XYLT2: variants seen among roughly 807,000 people sequenced by gnomAD.
XYLT2 encodes UDP-D-xylose:proteoglycan core protein beta-D-xylosyltransferase.
XYLT2 carries 37 observed loss-of-function variants against 82.6 expected under a neutral mutation model. The ratio of observed to expected loss-of-function variants is 0.45; its 90% CI spans 0.34 to 0.59. The LOEUF is 0.59. XYLT2 is among the 20% of genes least tolerant of loss of function. The pLI, the probability that XYLT2 is intolerant of heterozygous loss-of-function variation, is 0.01. For synonymous variants in XYLT2, 474 were observed against 499.0 expected (o/e 0.95, Z 0.67); for missense variants, 934 against 1,181.3 (o/e 0.79, Z 3.07).
intron 1 of XYLT2, among the ~76,000 whole-genome samples, chr17:50,347,415 G>T (rs1912087982): frequency 6.6e-6 from 1 of 152,234 alleles, no homozygotes; most frequent in African/African-American, 2.4e-5. Context: ...GGATGGTGAT[G>T]GGGGCTGGAA....
In XYLT2 at chr17:50,355,994, C is replaced by T. The variant is rs1234412932; in HGVS notation, c.1302C>T (p.Ala434=). ...TCTACACATACACACTGCTCCCAGC[C>T]GAGGTGGGTAGCCCAGCAGGCATGA... The part of the protein sequence containing the change: ...RQFYTYTLLP[A]ESFFHTVLEN... The change falls in exon 6 of 11, where the codon GCC becomes GCT. Residue 434 remains alanine, a synonymous_variant. Coordinates refer to ENST00000017003, the MANE Select transcript of XYLT2 (RefSeq NM_022167.4). 36 of 1,614,096 alleles carry T rather than the reference C, an allele frequency of 2.2e-5. No homozygotes were observed. Among genetic ancestry groups the T allele is most frequent in the Non-Finnish European group, 2.5e-5 (30 of 1,180,046 alleles).
In XYLT2 at chr17:50,353,879, G is replaced by C; in HGVS notation, c.385G>C (p.Gly129Arg). Residue 129 changes from glycine to arginine, a missense_variant, in exon 2 of 11, where the codon GGG becomes CGG. Physicochemically the swap from Gly to Arg is moderately radical, Grantham distance 125. Around this residue, in one of 3 missense-constraint regions of XYLT2, gnomAD observed 371 missense variants for 394.9 expected, o/e 0.94. Coordinates refer to ENST00000017003, the MANE Select transcript of XYLT2 (RefSeq NM_022167.4). ...CCAGAACCTGAGTGGGGCAGCAGCT[G>C]GGGAGGCGCTGGTAGGGGCAGCTGG... ...GRQNLSGAAA[G>R]EALVGAAGFP... 6.2e-7 allele frequency: 1 copy of C among 1,608,966 alleles called. No homozygotes were observed. Among genetic ancestry groups the C allele is most frequent in the Non-Finnish European group, 8.5e-7 (1 of 1,179,442 alleles).
At chr17:50,349,400 G>C (rs115425970) in intron 1 of XYLT2, among the ~76,000 whole-genome samples, 1 of 152,206 alleles carries the variant, frequency 6.6e-6, no homozygotes, top group Admixed American at 6.5e-5. Flanking sequence ...CCTCTTGCAG[G>C]TATCTCTTCT....
In XYLT2 at chr17:50,354,540, C is replaced by A; in HGVS notation, c.761C>A (p.Ala254Asp). ...CGCCAGCTGAAGCGTCTCCTCAAGG[C>A]CGTTTATCACGAGCAGCACTTCTTT... ...AIRQLKRLLKAVYHEQHFFYI... is the reference protein window; with the variant it reads ...AIRQLKRLLKDVYHEQHFFYI... The change falls in exon 3 of 11, where the codon GCC becomes GAC. Residue 254 changes from alanine (A) to aspartate (D), a missense_variant. Ala to Asp is a moderately radical substitution (Grantham distance 126). Transcript: ENST00000017003. The A allele has an allele frequency of 6.2e-7, 1 of 1,612,848 alleles. No individual in the cohort carries two copies.
chr17:50,359,665 G>C (rs1912716060), intron 10 of XYLT2: 2 of 371,252 alleles, frequency 5.4e-6, no homozygotes, highest in Non-Finnish European at 9.8e-6. Context: ...GGCTCTAGGA[G>C]CCACCAATGA....
At position 50,346,202 on chromosome 17, in the gene XYLT2, C is replaced by A; in HGVS notation, c.62C>A (p.Ala21Glu). ...CGCTACAAGCTGGCGATTGCCACGG[C>A]GCTGGCCATCCTGCTGCTGCAGGGC... is the stretch of plus-strand genomic sequence containing the variant. ...VRRYKLAIAT[A>E]LAILLLQGLV... The change falls in exon 1 of 11, where the codon GCG becomes GAG. Residue 21 changes from alanine to glutamate, a missense_variant. Physicochemically the swap from Ala to Glu is moderately radical, Grantham distance 107. Transcript: ENST00000017003. The surrounding 1 kb of genome is among the most constrained non-coding windows in gnomAD (Gnocchi z 5.1). 7.7e-7 allele frequency: 1 copy of A among 1,293,206 alleles called. No individual in the cohort carries two copies. Among genetic ancestry groups the A allele is most frequent in the Middle Eastern group, 2.9e-4 (1 of 3,496 alleles). 80.1% of individuals were successfully genotyped at this position (1,293,206 alleles called of 1,614,324 possible). A position where few individuals can be genotyped will look rare whatever the true frequency, so the allele number is the denominator to read the frequency against.
chr17:50,355,398 C>T, intron 4 of XYLT2, 103 bp from the exon 5 acceptor site: 1 of 1,299,612 alleles, frequency 7.7e-7, no homozygotes, highest in Non-Finnish European at 1.1e-6. Context: ...GGGCACATGG[C>T]CAGCCAGCAA....
intron 1 of XYLT2, among the ~76,000 whole-genome samples, chr17:50,349,768 G>A (rs892612081): frequency 6.6e-6 from 1 of 152,092 alleles, no homozygotes; most frequent in African/African-American, 2.4e-5. Flanking sequence ...GAAGTCCTGG[G>A]GAGGTGAGGA....
intron 9 of XYLT2, 98 bp downstream of exon 9, chr17:50,357,350 T>C: frequency 7.8e-7 from 1 of 1,279,852 alleles, no homozygotes; most frequent in South Asian, 1.6e-5. Context: ...AAGGTTATTT[T>C]TCCCAGTCAT....
At position 50,356,271 on chromosome 17, in the gene XYLT2, C is replaced by G; in HGVS notation, c.1482+10C>G. 1.2e-6 allele frequency: 2 copies of G among 1,611,636 alleles called. No individual in the cohort carries two copies. The highest frequency in any genetic ancestry group is 1.7e-6 in the Non-Finnish European group (2 of 1,177,956). On this transcript the variant is annotated intron_variant, in intron 7 of 10. Transcript: ENST00000017003. ...CTTCCTCCGGCTGCAGGTGCTTGCC[C>G]GAGGCCCCAAGGCCCCTGGCTAGGT... is the stretch of plus-strand genomic sequence containing the variant.
rs766795793 is a variant in XYLT2 at position 50,354,131 on chromosome 17, CAG to C, written c.628+10_628+11del. 3.7e-6 allele frequency: 6 copies of C among 1,601,522 alleles called. No individual in the cohort carries two copies. Among genetic ancestry groups the C allele is most frequent in the South Asian group, 2.2e-5 (2 of 91,062 alleles). Reference sequence around the variant, plus strand: ...GCACTGTCAGCTGACTGGTGAGGGACAGGGGTGCTCCAGCCCTTCCCAGGCGG... The same window carrying C: ...GCACTGTCAGCTGACTGGTGAGGGACGGGTGCTCCAGCCCTTCCCAGGCGG... On this transcript the variant is annotated intron_variant, in intron 2 of 10. Coordinates refer to ENST00000017003, the MANE Select transcript of XYLT2 (RefSeq NM_022167.4).
In XYLT2 at chr17:50,356,751, C is replaced by A; in HGVS notation, c.1723C>A (p.Pro575Thr). 6.2e-7 allele frequency: 1 copy of A among 1,604,634 alleles called. No individual in the cohort carries two copies. The highest frequency in any genetic ancestry group is 8.5e-7 in the Non-Finnish European group (1 of 1,179,768). ...SLHHAATAAP[P>T]MGTPLCRFEP... The stretch of plus-strand genomic sequence containing the variant: ...GCACCATGCCGCCACTGCTGCACCC[C>A]CAATGGGCACCCCACTCTGCAGGTG... Residue 575 changes from proline (P) to threonine (T), a missense_variant, in exon 8 of 11, where the codon CCA (proline) becomes ACA (threonine). Transcript: ENST00000017003.
Position 50,354,918 on chromosome 17 carries a change from C to T in XYLT2, c.869C>T (p.Thr290Met), listed in dbSNP as rs745745346. Residue 290 changes from threonine to methionine, a missense_variant, in exon 4 of 11, where the codon ACG becomes ATG. Thr to Met is a moderately conservative substitution (Grantham distance 81, BLOSUM62 -1). Around this residue, in one of 3 missense-constraint regions of XYLT2, gnomAD observed 189 missense variants for 320.8 expected, o/e 0.59. Coordinates refer to ENST00000017003, the MANE Select transcript of XYLT2 (RefSeq NM_022167.4). Reference sequence around the variant, plus strand: ...CAGGGCTATGATAACGTGCGGGTGACGCCCTGGCGCATGGTTACCATCTGG... The same window carrying T: ...CAGGGCTATGATAACGTGCGGGTGATGCCCTGGCGCATGGTTACCATCTGG... ...LAQGYDNVRV[T>M]PWRMVTIWGG... 2.4e-5 allele frequency: 38 copies of T among 1,605,934 alleles called. No homozygotes were observed. The highest frequency in any genetic ancestry group is 8.0e-5 in the African/African-American group (6 of 74,824).
rs375959322 is a variant in XYLT2, at chr17:50,356,731, A to G, written c.1703A>G (p.His568Arg). The G allele has an allele frequency of 3.1e-6, 5 of 1,608,002 alleles. No individual in the cohort carries two copies. Among genetic ancestry groups the G allele is most frequent in the Admixed American group, 1.7e-5 (1 of 59,988 alleles). Residue 568 changes from histidine to arginine, a missense_variant, in exon 8 of 11, where the codon CAT becomes CGT. Transcript: ENST00000017003. ...GCCTTCGCCCGCCTCAGCCTGCACC[A>G]TGCCGCCACTGCTGCACCCCCAATG... is the stretch of plus-strand genomic sequence containing the variant. ...YTAFARLSLHHAATAAPPMGT... is the reference protein window; with the variant it reads ...YTAFARLSLHRAATAAPPMGT...
At chr17:50,355,162 TG>T in intron 4 of XYLT2, 106 bp downstream of exon 4, 1 of 1,269,676 alleles carries the variant, frequency 7.9e-7, no homozygotes, top group Non-Finnish European at 1.1e-6. Flanking sequence ...AGCGTAACTC[TG>T]GGATCCGCCC....
intron 8 of XYLT2, 134 bp from the exon 9 acceptor site, chr17:50,356,923 T>C (rs1567807791): frequency 1.4e-5 from 20 of 1,461,682 alleles, no homozygotes; most frequent in Non-Finnish European, 1.7e-5. Flanking sequence ...GAGCCAGGCA[T>C]GCAGGTGCTG....
chr17:50,350,718 ATAG>A (rs1598348202), intron 1 of XYLT2, among the ~76,000 whole-genome samples: 1 of 152,162 alleles, frequency 6.6e-6, no homozygotes, highest in African/African-American at 2.4e-5. Context: ...GTATAAATAA[ATAG>A]TAGGATGAGA....
In XYLT2 at chr17:50,353,955, C is replaced by T. The variant is rs139789956; in HGVS notation, c.461C>T (p.Thr154Met). ...AGCGTGGAGGGCGCCCCCCAGCCCACGGACAATGGCTTCACCCCCAAGTGC... is the reference window on the plus strand; with the variant it reads ...AGCGTGGAGGGCGCCCCCCAGCCCATGGACAATGGCTTCACCCCCAAGTGC... Reference protein sequence around the residue: ...TGSVEGAPQPTDNGFTPKCEI... With the variant: ...TGSVEGAPQPMDNGFTPKCEI... Residue 154 changes from threonine to methionine, a missense_variant, in exon 2 of 11, where the codon ACG (threonine) becomes ATG (methionine). Physicochemically the swap from Thr to Met is moderately conservative, Grantham distance 81. Transcript: ENST00000017003. 2.7e-5 allele frequency: 44 copies of T among 1,606,500 alleles called. No individual in the cohort carries two copies. The highest frequency in any genetic ancestry group is 1.2e-4 in the Admixed American group (7 of 59,996).
Position 50,346,472 on chromosome 17 carries a change from G to C in XYLT2, c.135+197G>C. The C allele has an allele frequency of 8.4e-6, 7 of 835,856 alleles. No homozygotes were observed. Among genetic ancestry groups the C allele is most frequent in the Non-Finnish European group, 1.0e-5 (7 of 693,216 alleles). The allele number at this position is 835,856 out of a possible 1,614,324, so 51.8% of individuals were successfully genotyped here. On this transcript the variant is annotated intron_variant, in intron 1 of 10. Coordinates refer to ENST00000017003, the MANE Select transcript of XYLT2 (RefSeq NM_022167.4). The surrounding 1 kb of genome is among the most constrained non-coding windows in gnomAD (Gnocchi z 5.1). ...CAGGCCTAGGGAGCTGCGCGCGGGG[G>C]CAGTGCGTGACCTGGAGACCCGGGC...
Sources: allele counts gnomAD v4.1 joint callset (sites outside exome capture counted in the v4.1 genomes callset), GRCh38; gene constraint gnomAD v4.1.1; regional missense constraint gnomAD v4.1.1; non-coding constraint Gnocchi (gnomAD v3.1); transcripts MANE v1.5; gene names NCBI Gene and HGNC (gene_info 2026-07-23, HGNC 2026-07-21).